Variants in NFAM1 observed in about 807,000 individuals in gnomAD.
NFAM1 encodes NFAT activation molecule 1.
Under a neutral mutation model 29.0 loss-of-function variants are expected in NFAM1, and 17 were observed. The ratio of observed to expected loss-of-function variants is 0.59; its 90% CI spans 0.40 to 0.88. NFAM1 has a LOEUF of 0.88. Among genes scored for constraint, NFAM1 ranks in the 40% least tolerant of loss-of-function variants. The pLI, the probability that NFAM1 is intolerant of heterozygous loss-of-function variation, is 0.00. For missense variants in NFAM1, 324 were observed against 344.6 expected (o/e 0.94, Z 0.47); for synonymous variants, 175 against 147.2 (o/e 1.19, Z -1.36).
chr22:42,396,769 T>C (rs2147096624), intron 4 of NFAM1, among the ~76,000 whole-genome samples: 1 of 152,358 alleles, frequency 6.6e-6, no homozygotes, highest in South Asian at 2.1e-4. Context: ...GGACATTTCC[T>C]TGGCCTCGCT....
chr22:42,391,609 C>T (rs1415173575), intron 4 of NFAM1, among the ~76,000 whole-genome samples: 2 of 151,948 alleles, frequency 1.3e-5, no homozygotes, highest in South Asian at 2.1e-4. Context: ...GATGGAGCAG[C>T]GATGAGGAGA....
At chr22:42,422,568 C>T (rs1601759947) in intron 1 of NFAM1, among the ~76,000 whole-genome samples, 1 of 152,136 alleles carries the variant, frequency 6.6e-6, no homozygotes, top group African/African-American at 2.4e-5. Flanking sequence ...CCACTACACT[C>T]CAGCCTGGGT....
chr22:42,432,197 G>A, intron 1 of NFAM1, 40 bp downstream of exon 1: 2 of 1,522,860 alleles, frequency 1.3e-6, no homozygotes, highest in Non-Finnish European at 1.8e-6. Context: ...CTGATGTTCT[G>A]GAGCGAGAGA....
intron 3 of NFAM1, among the ~76,000 whole-genome samples, chr22:42,407,513 C>T (rs144623619): frequency 0.028 from 4,294 of 152,006 alleles, 207 homozygotes; most frequent in African/African-American, 0.1. Context: ...GGATTACAGG[C>T]GCCTACCACC....
At chr22:42,413,339 C>T (rs1930155493) in intron 1 of NFAM1, among the ~76,000 whole-genome samples, 1 of 152,260 alleles carries the variant, frequency 6.6e-6, no homozygotes, top group South Asian at 2.1e-4. Context: ...CAGCTCTGAG[C>T]CAGAGCTCTG....
At chr22:42,405,046 A>G (rs1257938203) in intron 3 of NFAM1, among the ~76,000 whole-genome samples, 1 of 152,096 alleles carries the variant, frequency 6.6e-6, no homozygotes, top group Non-Finnish European at 1.5e-5. Flanking sequence ...CATTCCTGGA[A>G]GCACAGGCAG....
intron 4 of NFAM1, among the ~76,000 whole-genome samples, chr22:42,396,201 A>C (rs1470479289): frequency 1.3e-5 from 2 of 152,176 alleles, no homozygotes; most frequent in Non-Finnish European, 2.9e-5. Context: ...ACTCCAGAGA[A>C]GTCGGCCTGC....
At chr22:42,420,691 A>G (rs915831158) in intron 1 of NFAM1, among the ~76,000 whole-genome samples, 10 of 149,908 alleles carry the variant, frequency 6.7e-5, no homozygotes, top group African/African-American at 2.5e-4. Flanking sequence ...GCTTGAACCC[A>G]GAAGGCAGAG....
intron 1 of NFAM1, 107 bp from the exon 2 acceptor site, chr22:42,411,843 A>G: frequency 1.4e-6 from 1 of 725,552 alleles, no homozygotes; most frequent in South Asian, 1.7e-5. Flanking sequence ...CACACCTGTA[A>G]TTCCAACACT....
chr22:42,386,396 A>AACACACAC (rs59742194), intron 5 of NFAM1, among the ~76,000 whole-genome samples: 10 of 125,182 alleles, frequency 8.0e-5, no homozygotes, highest in South Asian at 2.4e-4. Flanking sequence ...AAAACAAACA[A>AACACACAC]ACACACACAC....
At chr22:42,424,583 G>A (rs947770108) in intron 1 of NFAM1, among the ~76,000 whole-genome samples, 2 of 152,144 alleles carry the variant, frequency 1.3e-5, no homozygotes, top group East Asian at 1.9e-4. Flanking sequence ...ATCCCTTTAC[G>A]AAGCTGAACT....
chr22:42,426,031 G>A (rs993364126), intron 1 of NFAM1, among the ~76,000 whole-genome samples: 1 of 152,196 alleles, frequency 6.6e-6, no homozygotes, highest in South Asian at 2.1e-4. Flanking sequence ...GCAAGTGAGA[G>A]GATACCCTCC....
At chr22:42,411,980 C>T (rs1352568294) in intron 1 of NFAM1, among the ~76,000 whole-genome samples, 1 of 152,092 alleles carries the variant, frequency 6.6e-6, no homozygotes, top group Non-Finnish European at 1.5e-5. Context: ...TGCCCATAAC[C>T]CCAGCACTTT....
chr22:42,429,170 G>C (rs1163381785), intron 1 of NFAM1, among the ~76,000 whole-genome samples: 1 of 152,228 alleles, frequency 6.6e-6, no homozygotes, highest in African/African-American at 2.4e-5. Context: ...GCAGGTGGCT[G>C]ACACTCACTG....
intron 3 of NFAM1, among the ~76,000 whole-genome samples, chr22:42,408,793 G>A (rs1014363124): frequency 6.6e-6 from 1 of 152,226 alleles, no homozygotes; most frequent in Non-Finnish European, 1.5e-5. Context: ...CACCCACAGT[G>A]TGAGCAGGAG....
At chr22:42,414,229 G>T (rs1229549135) in intron 1 of NFAM1, among the ~76,000 whole-genome samples, 1 of 152,164 alleles carries the variant, frequency 6.6e-6, no homozygotes, top group African/African-American at 2.4e-5. Flanking sequence ...CTGGCACCCG[G>T]GCCCCCTCCA....
intron 1 of NFAM1, among the ~76,000 whole-genome samples, chr22:42,421,021 C>A (rs78343063): frequency 0.015 from 2,256 of 152,272 alleles, 56 homozygotes; most frequent in African/African-American, 0.052. Flanking sequence ...ACAGGAGTGA[C>A]CCCCGAGCCC....
In NFAM1 at chr22:42,409,481, A is replaced by G. The variant is rs1320371914; in HGVS notation, c.518T>C (p.Leu173Pro). ...KLLLFGFTGL[L>P]SVLSVVGTAL... is the part of the protein sequence containing the mutation. ...CGTGCCCACTACACTCAGGACACTC[A>G]GGAGGCCGGTGAAGCCAAAGAGCAG... is the stretch of plus-strand genomic sequence containing the variant. Residue 173 changes from leucine to proline, a missense_variant, in exon 3 of 6, where the codon CTG becomes CCG. Leu to Pro is a moderately conservative substitution (Grantham distance 98, BLOSUM62 -3). Coordinates refer to ENST00000329021, the MANE Select transcript of NFAM1 (RefSeq NM_145912.8). The surrounding 1 kb of genome is among the most constrained non-coding windows in gnomAD (Gnocchi z 4.9). 5 of 1,568,026 alleles carry G rather than the reference A, an allele frequency of 3.2e-6. No individual in the cohort carries two copies. Among genetic ancestry groups the G allele is most frequent in the Non-Finnish European group, 4.3e-6 (5 of 1,155,946 alleles).
At chr22:42,435,504 C>T (rs1382005226), upstream of NFAM1, among the ~76,000 whole-genome samples, 3 of 152,064 alleles carry the variant, frequency 2.0e-5, no homozygotes, top group East Asian at 1.9e-4. Flanking sequence ...TGTGCCACCA[C>T]GCCCGGCTAA....
Sources: allele counts gnomAD v4.1 joint callset (sites outside exome capture counted in the v4.1 genomes callset), GRCh38; gene constraint gnomAD v4.1.1; non-coding constraint Gnocchi (gnomAD v3.1); transcripts MANE v1.5; gene names NCBI Gene and HGNC (gene_info 2026-07-23, HGNC 2026-07-21).